The following COL4A6 variants were observed in gnomAD, a reference collection of about 807,000 sequenced individuals.
COL4A6 encodes collagen type IV alpha 6 chain.
COL4A6 carries 59 observed loss-of-function variants against 126.7 expected under a neutral mutation model. The observed-to-expected ratio is 0.47, with a 90% CI of 0.38 to 0.58. The LOEUF (loss-of-function observed/expected upper bound fraction) is 0.58, where lower values mean the gene tolerates loss of function less well. COL4A6 is among the 20% of genes least tolerant of loss of function. The pLI is 0.00. For synonymous variants in COL4A6, 547 were observed against 496.6 expected (o/e 1.10, Z -1.35); for missense variants, 1,285 against 1,337.3 (o/e 0.96, Z 0.61).
intron 2 of COL4A6, among the ~76,000 whole-genome samples, chrX:108,336,992 C>T (rs942180475): frequency 1.8e-5 from 2 of 111,011 alleles, no homozygotes; most frequent in African/African-American, 3.3e-5. Flanking sequence ...TAGTCCAGCT[C>T]GTCCATGAAG....
intron 3 of COL4A6, among the ~76,000 whole-genome samples, chrX:108,245,560 C>T (rs1223796585): frequency 1.8e-5 from 2 of 111,959 alleles, no homozygotes; most frequent in East Asian, 2.8e-4. Context: ...CACACTGAGA[C>T]GATGGAGGAT....
intron 3 of COL4A6, among the ~76,000 whole-genome samples, chrX:108,259,513 T>C (rs1233470815): frequency 2.7e-5 from 3 of 111,540 alleles, no homozygotes; most frequent in Admixed American, 9.5e-5. Flanking sequence ...CGGGATTCTC[T>C]CCGAGTTAGG....
At chrX:108,273,629 C>T (rs996834973) in intron 3 of COL4A6, among the ~76,000 whole-genome samples, 3 of 112,207 alleles carry the variant, frequency 2.7e-5, no homozygotes, top group African/African-American at 9.7e-5. Context: ...GGTACATATA[C>T]ACCATGGAAT....
intron 37 of COL4A6, among the ~76,000 whole-genome samples, chrX:108,169,077 G>C (rs893628543): frequency 9.0e-6 from 1 of 111,022 alleles, no homozygotes; most frequent in Non-Finnish European, 1.9e-5. Context: ...TCTTAGTCTT[G>C]GGATCCTTCC....
At chrX:108,180,741 C>T (rs1386584726) in intron 24 of COL4A6, 119 bp from the exon 25 acceptor site, 16 of 774,615 alleles carry the variant, frequency 2.1e-5, no homozygotes, top group Non-Finnish European at 2.9e-5. Flanking sequence ...CACCTCCCCA[C>T]ACTGCCCTCT....
At chrX:108,296,234 T>A (rs1251644445) in intron 3 of COL4A6, among the ~76,000 whole-genome samples, 1 of 112,552 alleles carries the variant, frequency 8.9e-6, no homozygotes, top group African/African-American at 3.2e-5. Context: ...ATTTATGTTG[T>A]TCACTCTGTC....
intron 3 of COL4A6, among the ~76,000 whole-genome samples, chrX:108,242,148 C>T (rs190983215): frequency 6.3e-5 from 7 of 110,920 alleles, no homozygotes; most frequent in African/African-American, 2.3e-4. Context: ...AGTTTTTATA[C>T]TAATGCCCTT....
At chrX:108,359,268 T>G (rs760713010) in intron 2 of COL4A6, among the ~76,000 whole-genome samples, 1 of 112,344 alleles carries the variant, frequency 8.9e-6, no homozygotes, top group East Asian at 2.8e-4. Context: ...ATTAGACAAT[T>G]GAGGGCCAAA....
chrX:108,250,356 C>T (rs1322850437), intron 3 of COL4A6, among the ~76,000 whole-genome samples: 1 of 110,327 alleles, frequency 9.1e-6, no homozygotes, highest in Non-Finnish European at 1.9e-5. Flanking sequence ...TACAAAGTGG[C>T]GAATGAGCAT....
chrX:108,267,027 C>T (rs181742003), intron 3 of COL4A6, among the ~76,000 whole-genome samples: 1 of 112,007 alleles, frequency 8.9e-6, no homozygotes, highest in African/African-American at 3.2e-5. Flanking sequence ...AAATGGATGT[C>T]GCTGGGCTAA....
intron 3 of COL4A6, chrX:108,268,134 T>C (rs1489504859): frequency 1.8e-5 from 2 of 111,569 alleles, no homozygotes; most frequent in Non-Finnish European, 3.8e-5. Flanking sequence ...CAGTGTATAT[T>C]CCAATAGGAA....
intron 2 of COL4A6, among the ~76,000 whole-genome samples, chrX:108,418,073 A>AGC (rs1393949924): frequency 8.0e-5 from 9 of 112,186 alleles, no homozygotes; most frequent in Admixed American, 2.8e-4. Flanking sequence ...CCAAGAACAT[A>AGC]TTTGCAGACA....
intron 2 of COL4A6, among the ~76,000 whole-genome samples, chrX:108,350,836 A>T (rs1316253788): frequency 9.0e-6 from 1 of 111,289 alleles, no homozygotes; most frequent in African/African-American, 3.3e-5. Flanking sequence ...GGTACTTAGT[A>T]CTGACTCCGT....
intron 42 of COL4A6, 44 bp from the exon 43 acceptor site, chrX:108,160,698 G>C: frequency 9.2e-7 from 1 of 1,083,043 alleles, no homozygotes. Context: ...TGCAGCTAAT[G>C]ACAACATCAG....
At chrX:108,285,894 G>C (rs985475686) in intron 3 of COL4A6, among the ~76,000 whole-genome samples, 3 of 111,719 alleles carry the variant, frequency 2.7e-5, no homozygotes, top group African/African-American at 9.8e-5. Context: ...GTAGGAGTGA[G>C]GTGGTCCCAT....
At chrX:108,275,435 T>G in intron 3 of COL4A6, among the ~76,000 whole-genome samples, 1 of 112,393 alleles carries the variant, frequency 8.9e-6, no homozygotes, top group Admixed American at 9.5e-5. Context: ...CTCCACTGCT[T>G]CGTTTCTGTT....
Position 108,280,621 on chromosome X carries a change from G to A in COL4A6, c.144+30127C>T, listed in dbSNP as rs763698478. Among the ~76,000 whole-genome samples, 19 of 111,745 alleles carry A rather than the reference G, an allele frequency of 1.7e-4. No homozygotes were observed. In the South Asian group the frequency reaches 2.3e-3, roughly 13 times the overall value. On this transcript the variant is annotated intron_variant, in intron 3 of 44. Transcript: ENST00000334504. ...ACTATTCCAGTCAATAGAAAAAGAC[G>A]GAATCCTCCCTAACTCATTTTATGA...
intron 3 of COL4A6, among the ~76,000 whole-genome samples, chrX:108,262,383 A>C (rs1331195819): frequency 1.8e-5 from 2 of 111,422 alleles, no homozygotes; most frequent in Admixed American, 1.9e-4. Flanking sequence ...CCTCCAAGAC[A>C]GTCATGGCTC....
chrX:108,209,916 C>T (rs2035652017), intron 8 of COL4A6, 53 bp downstream of exon 8: 2 of 1,169,158 alleles, frequency 1.7e-6, no homozygotes, highest in Non-Finnish European at 2.3e-6. Flanking sequence ...GAAAATGCAC[C>T]ATTAGTGATT....
Sources: allele counts gnomAD v4.1 joint callset (sites outside exome capture counted in the v4.1 genomes callset), GRCh38; gene constraint gnomAD v4.1.1; transcripts MANE v1.5; gene names NCBI Gene and HGNC (gene_info 2026-07-23, HGNC 2026-07-21).